The following SAMMSON variants were observed in gnomAD, a reference collection of about 807,000 sequenced individuals.
The protein encoded by SAMMSON is survival associated mitochondrial melanoma specific oncogenic non-coding RNA.
At chr3:70,261,622 C>G (rs1181963438) in intron 6 of SAMMSON, among the ~76,000 whole-genome samples, 1 of 152,178 alleles carries the variant, frequency 6.6e-6, no homozygotes, top group African/African-American at 2.4e-5. Context: ...GCTTTCTTCA[C>G]TTTCAACAAT....
intron 4 of SAMMSON, among the ~76,000 whole-genome samples, chr3:70,185,364 G>A (rs143206310): frequency 7.9e-5 from 12 of 152,154 alleles, no homozygotes; most frequent in Non-Finnish European, 1.5e-4. Flanking sequence ...AGTTTCATAC[G>A]GGAGCTCACA....
chr3:70,193,003 G>T (rs6549297), intron 4 of SAMMSON, among the ~76,000 whole-genome samples: 80,339 of 151,988 alleles, frequency 0.53, 22,039 homozygotes, highest in Non-Finnish European at 0.58. Context: ...CAAGATTCTA[G>T]TAGCAGTCTC....
intron 4 of SAMMSON, among the ~76,000 whole-genome samples, chr3:70,087,444 G>A (rs1353273143): frequency 6.6e-6 from 1 of 152,094 alleles, no homozygotes; most frequent in Non-Finnish European, 1.5e-5. Flanking sequence ...TTCTCTGTAT[G>A]CACATTCGTC....
rs1323739549 is a variant in SAMMSON at position 70,330,306 on chromosome 3, A to G, written n.740-23869A>G. ...TTGATCTAAACCCTTCAAAACCCAC[A>G]TATCTTTTTCTATAATTAGTTATAA... On this transcript the variant is annotated intron_variant and non_coding_transcript_variant, in intron 7 of 9. Coordinates refer to ENST00000642114, the Ensembl canonical transcript of SAMMSON. 2.6e-5 allele frequency among the ~76,000 whole-genome samples: 4 copies of G among 152,068 alleles called. No homozygotes were observed. In the East Asian group the frequency reaches 5.8e-4, roughly 22 times the overall value.
At chr3:70,284,155 C>T (rs1160252744) in intron 6 of SAMMSON, among the ~76,000 whole-genome samples, 1 of 152,100 alleles carries the variant, frequency 6.6e-6, no homozygotes, top group Non-Finnish European at 1.5e-5. Context: ...AAGCAAGAGT[C>T]ACAGTGTATT....
chr3:70,114,502 A>C (rs888838258), intron 4 of SAMMSON, among the ~76,000 whole-genome samples: 2 of 152,250 alleles, frequency 1.3e-5, no homozygotes, highest in Admixed American at 6.5e-5. Context: ...ATTTTTAGTA[A>C]GTTTTCTATT....
At chr3:70,087,569 C>T (rs975902626) in intron 4 of SAMMSON, among the ~76,000 whole-genome samples, 3 of 152,122 alleles carry the variant, frequency 2.0e-5, no homozygotes, top group Non-Finnish European at 1.5e-5. Flanking sequence ...GGTATAGCCA[C>T]GCATGTTCTC....
intron 7 of SAMMSON, among the ~76,000 whole-genome samples, chr3:70,321,908 T>C (rs1702541920): frequency 6.6e-6 from 1 of 152,078 alleles, no homozygotes; most frequent in African/African-American, 2.4e-5. Flanking sequence ...TATCATCTTC[T>C]TGTAAACGTG....
downstream of SAMMSON, among the ~76,000 whole-genome samples, chr3:70,391,480 A>G (rs1028464134): frequency 6.6e-6 from 1 of 151,960 alleles, no homozygotes; most frequent in African/African-American, 2.4e-5. Flanking sequence ...TAATATTTTT[A>G]TATGGTCTCT....
At position 70,295,573 on chromosome 3, in the gene SAMMSON, C is replaced by T. The variant is rs146659517; in HGVS notation, n.739+4330C>T. On this transcript the variant is annotated intron_variant and non_coding_transcript_variant, in intron 7 of 9. Transcript: ENST00000642114. ...TAAAAATGAGCCAGGCTTGGTGGTG[C>T]GCACCTGTAGTCCTATTCCTAAGTA... Among the ~76,000 whole-genome samples, 450 of 152,084 alleles carry T rather than the reference C, an allele frequency of 3.0e-3. 3 individuals are homozygous for T. Among genetic ancestry groups the T allele is most frequent in the African/African-American group, 9.7e-3 (402 of 41,490 alleles).
intron 3 of SAMMSON, among the ~76,000 whole-genome samples, chr3:70,053,514 T>C (rs1399812592): frequency 6.6e-6 from 1 of 152,164 alleles, no homozygotes; most frequent in Non-Finnish European, 1.5e-5. Flanking sequence ...TTTCCTTGAC[T>C]GAGCTCCCAC....
At chr3:70,308,002 G>A (rs936612469) in intron 7 of SAMMSON, among the ~76,000 whole-genome samples, 1 of 152,028 alleles carries the variant, frequency 6.6e-6, no homozygotes, top group Non-Finnish European at 1.5e-5. Context: ...GGACTTCCTA[G>A]ACCACCTTGG....
chr3:70,206,931 C>A, intron 4 of SAMMSON: 1 of 388,692 alleles, frequency 2.6e-6, no homozygotes. Flanking sequence ...TTGAGCAAGA[C>A]AATTTTGAAT....
At chr3:70,370,707 C>G (rs1365475725) in intron 9 of SAMMSON, among the ~76,000 whole-genome samples, 2 of 151,972 alleles carry the variant, frequency 1.3e-5, no homozygotes, top group African/African-American at 4.8e-5. Context: ...CTTGTATATC[C>G]TGCATATTAG....
intron 3 of SAMMSON, among the ~76,000 whole-genome samples, chr3:70,017,328 T>C (rs2066990345): frequency 6.6e-6 from 1 of 152,114 alleles, no homozygotes; most frequent in Non-Finnish European, 1.5e-5. Flanking sequence ...GATTCCTAGG[T>C]ATTTTATTCT....
At chr3:70,093,492 T>G (rs1232410421) in intron 4 of SAMMSON, among the ~76,000 whole-genome samples, 1 of 152,216 alleles carries the variant, frequency 6.6e-6, no homozygotes, top group Non-Finnish European at 1.5e-5. Context: ...ACTAAATGAC[T>G]TGCTCTGTGT....
intron 4 of SAMMSON, among the ~76,000 whole-genome samples, chr3:70,215,818 C>T (rs948982252): frequency 3.3e-5 from 5 of 152,064 alleles, no homozygotes; most frequent in East Asian, 1.9e-4. Flanking sequence ...CTAAAGGTGG[C>T]GTGTCTTGGT....
chr3:70,287,943 C>T (rs1702185055), intron 6 of SAMMSON, among the ~76,000 whole-genome samples: 1 of 152,116 alleles, frequency 6.6e-6, no homozygotes, highest in Non-Finnish European at 1.5e-5. Context: ...TTTGATTCTT[C>T]TCTCTTTTTT....
chr3:70,181,581 C>G (rs1701053487), intron 4 of SAMMSON, among the ~76,000 whole-genome samples: 1 of 152,164 alleles, frequency 6.6e-6, no homozygotes, highest in African/African-American at 2.4e-5. Context: ...GGTTGTTGAA[C>G]TGAGTAGAAT....
Sources: allele counts gnomAD v4.1 joint callset (sites outside exome capture counted in the v4.1 genomes callset), GRCh38; gene constraint gnomAD v4.1.1; transcripts MANE v1.5; gene names NCBI Gene and HGNC (gene_info 2026-07-23, HGNC 2026-07-21).